The following KCNN2 variants were observed in gnomAD, a reference collection of about 807,000 sequenced individuals.
KCNN2 encodes small conductance calcium-activated potassium channel protein 2.
A neutral mutation model predicts 55.5 loss-of-function variants in KCNN2; 24 were observed. That is an observed-to-expected ratio of 0.43 (90% CI 0.31 to 0.61). The LOEUF (loss-of-function observed/expected upper bound fraction) is 0.61. Ranked by LOEUF, KCNN2 falls within the 20% of genes least tolerant of loss-of-function variation. The pLI, the probability that KCNN2 is intolerant of heterozygous loss-of-function variation, is 0.08. For missense variants in KCNN2, 754 were observed against 853.6 expected, an observed-to-expected ratio of 0.88 and a Z score of 1.45; for synonymous variants, 431 against 336.1, an observed-to-expected ratio of 1.28 and a Z score of -3.09.
At chr5:114,342,058 T>C (rs565702144) in intron 2 of KCNN2, among the ~76,000 whole-genome samples, 3 of 152,062 alleles carry the variant, frequency 2.0e-5, no homozygotes, top group Admixed American at 6.6e-5. Flanking sequence ...CCCGCCACCA[T>C]GCCTGGCTAA....
chr5:114,432,059 G>A (rs966203286), intron 3 of KCNN2, among the ~76,000 whole-genome samples: 73 of 152,172 alleles, frequency 4.8e-4, no homozygotes, highest in African/African-American at 1.6e-3. Flanking sequence ...GTTGTGTAAA[G>A]TATTCTATAA....
chr5:114,397,255 G>A (rs1440734618), intron 2 of KCNN2, among the ~76,000 whole-genome samples: 2 of 152,084 alleles, frequency 1.3e-5, no homozygotes, highest in Admixed American at 6.5e-5. Context: ...GGGATTGCTG[G>A]GTCTACTGGT....
At chr5:114,208,911 G>C (rs1037800917) in intron 1 of KCNN2, among the ~76,000 whole-genome samples, 2 of 152,028 alleles carry the variant, frequency 1.3e-5, no homozygotes, top group Non-Finnish European at 2.9e-5. Flanking sequence ...TTCCTTCACA[G>C]TCTCTCCCAG....
intron 3 of KCNN2, among the ~76,000 whole-genome samples, chr5:114,424,874 A>G (rs535352866): frequency 5.3e-5 from 8 of 152,304 alleles, no homozygotes; most frequent in Admixed American, 3.3e-4. Flanking sequence ...AGAAGGGGCA[A>G]TGATGGATTT....
At chr5:114,242,273 T>C (rs529837050) in intron 2 of KCNN2, among the ~76,000 whole-genome samples, 173 of 147,418 alleles carry the variant, frequency 1.2e-3, no homozygotes, top group African/African-American at 4.1e-3. Context: ...AGTAGACATA[T>C]GAAAGCCAAG....
At chr5:114,267,287 GC>G (rs1755230090) in intron 2 of KCNN2, among the ~76,000 whole-genome samples, 3 of 152,168 alleles carry the variant, frequency 2.0e-5, no homozygotes, top group South Asian at 4.2e-4. Context: ...GAGCCACTGC[GC>G]CCGGCCCCAC....
At chr5:114,215,677 C>A (rs1032204769) in intron 1 of KCNN2, among the ~76,000 whole-genome samples, 2 of 152,124 alleles carry the variant, frequency 1.3e-5, no homozygotes, top group African/African-American at 4.8e-5. Flanking sequence ...TGATTACTCC[C>A]TGGACACCTG....
rs1729834041 is a variant in KCNN2 at position 114,410,631 on chromosome 5, A to G, written c.1637+5775A>G. Among the ~76,000 whole-genome samples, 2 of 152,070 alleles carry G rather than the reference A, an allele frequency of 1.3e-5. 1 individual carries two copies. The highest frequency in any genetic ancestry group is 2.9e-5 in the Non-Finnish European group (2 of 68,010). Reference sequence around the variant, plus strand: ...TCAATGAAATCTTTTCCTTTTTGACATAGGTTTGTAATGCTGTGTTAGGGG... The same window carrying G: ...TCAATGAAATCTTTTCCTTTTTGACGTAGGTTTGTAATGCTGTGTTAGGGG... On this transcript the variant is annotated intron_variant, in intron 3 of 7. Coordinates refer to ENST00000673685, the MANE Select transcript of KCNN2 (RefSeq NM_021614.4).
chr5:114,145,709 C>T (rs771717888), intron 1 of KCNN2, among the ~76,000 whole-genome samples: 6 of 152,060 alleles, frequency 3.9e-5, no homozygotes, highest in Non-Finnish European at 7.4e-5. Context: ...TAGGAGCGTC[C>T]ATCCATATCA....
At chr5:114,343,838 G>T (rs936951494) in intron 2 of KCNN2, among the ~76,000 whole-genome samples, 4 of 152,140 alleles carry the variant, frequency 2.6e-5, no homozygotes, top group Admixed American at 2.0e-4. Context: ...TTGAGAAGCT[G>T]TCTAATCCCT....
chr5:114,306,211 A>G (rs1432368570), intron 2 of KCNN2, among the ~76,000 whole-genome samples: 1 of 152,184 alleles, frequency 6.6e-6, no homozygotes, highest in African/African-American at 2.4e-5. Context: ...CCAGCTATAT[A>G]GCATTCACCA....
chr5:114,063,997 CT>C (rs1433828886), intron 1 of KCNN2, among the ~76,000 whole-genome samples: 1 of 152,174 alleles, frequency 6.6e-6, no homozygotes, highest in Admixed American at 6.5e-5. Flanking sequence ...TTTCTCACAA[CT>C]TATGGTGGAT....
At chr5:114,386,284 T>G (rs1382518674) in intron 2 of KCNN2, among the ~76,000 whole-genome samples, 1 of 152,154 alleles carries the variant, frequency 6.6e-6, no homozygotes, top group Non-Finnish European at 1.5e-5. Context: ...GAATAGTGAT[T>G]GTGGATTTAC....
chr5:114,450,312 A>AT (rs1233533918), intron 3 of KCNN2, among the ~76,000 whole-genome samples: 2 of 152,206 alleles, frequency 1.3e-5, no homozygotes, highest in Admixed American at 6.5e-5. Flanking sequence ...CTGGTCGAGC[A>AT]TGGCTCCATC....
At chr5:114,226,769 C>T (rs1180577694) in intron 2 of KCNN2, among the ~76,000 whole-genome samples, 6 of 151,934 alleles carry the variant, frequency 3.9e-5, no homozygotes, top group East Asian at 1.9e-4. Flanking sequence ...GGCATGGTGG[C>T]GGGCACCTGT....
At chr5:114,159,417 G>T (rs1312723800) in intron 1 of KCNN2, among the ~76,000 whole-genome samples, 3 of 152,168 alleles carry the variant, frequency 2.0e-5, no homozygotes, top group African/African-American at 4.8e-5. Flanking sequence ...GTATTTTATT[G>T]AGGATTTTTG....
At position 114,077,303 on chromosome 5, in the gene KCNN2, G is replaced by A. The variant is rs191037037; in HGVS notation, c.-271+20803G>A. Among the ~76,000 whole-genome samples the A allele has an allele frequency of 2.3e-3, 346 of 152,342 alleles. 3 individuals are homozygous for A. Among genetic ancestry groups the A allele is most frequent in the African/African-American group, 7.9e-3 (327 of 41,592 alleles). Reference sequence around the variant, plus strand: ...TGCATTAGCTCACATACTGCATAGGGAGCACACTAGGGGGAACCCCAAAAC... The same window carrying A: ...TGCATTAGCTCACATACTGCATAGGAAGCACACTAGGGGGAACCCCAAAAC... On this transcript the variant is annotated intron_variant, in intron 1 of 10. Coordinates refer to the KCNN2 transcript ENST00000512097.
At chr5:114,433,337 G>C (rs1759869598) in intron 3 of KCNN2, among the ~76,000 whole-genome samples, 1 of 152,170 alleles carries the variant, frequency 6.6e-6, no homozygotes, top group Non-Finnish European at 1.5e-5. Context: ...CCTTTGTGTG[G>C]ACACTCTGTA....
intron 2 of KCNN2, among the ~76,000 whole-genome samples, chr5:114,268,195 AG>A (rs762116885): frequency 1.4e-4 from 21 of 152,228 alleles, no homozygotes; most frequent in Non-Finnish European, 3.1e-4. Context: ...GAATAGAGAA[AG>A]GTGTCCAGTC....
Sources: allele counts gnomAD v4.1 joint callset (sites outside exome capture counted in the v4.1 genomes callset), GRCh38; gene constraint gnomAD v4.1.1; transcripts MANE v1.5; gene names NCBI Gene and HGNC (gene_info 2026-07-23, HGNC 2026-07-21).